The following B9D1 variants were observed in gnomAD, a reference collection of about 807,000 sequenced individuals.
B9D1 encodes B9 domain-containing protein 1.
B9D1 carries 20 observed loss-of-function variants against 26.1 expected under a neutral mutation model. That is an observed-to-expected ratio of 0.77 (90% CI 0.54 to 1.12). B9D1 has a LOEUF of 1.12. Ranked by LOEUF, B9D1 falls within the 50% of genes most tolerant of loss-of-function variation. B9D1 has a pLI of 0.00. For missense variants in B9D1, 260 were observed against 273.7 expected, an observed-to-expected ratio of 0.95 and a Z score of 0.35; for synonymous variants, 105 against 103.1, an observed-to-expected ratio of 1.02 and a Z score of -0.11.
At chr17:19,337,979 A>G (rs1331689438), downstream of B9D1, among the ~76,000 whole-genome samples, 1 of 152,212 alleles carries the variant, frequency 6.6e-6, no homozygotes, top group Non-Finnish European at 1.5e-5. Flanking sequence ...TCTGGCTCCC[A>G]GAGAGTTATT....
intron 2 of B9D1, 88 bp downstream of exon 2, chr17:19,360,232 G>A (rs1910867759): frequency 7.9e-7 from 1 of 1,263,376 alleles, no homozygotes; most frequent in East Asian, 2.3e-5. Context: ...CTCTTAACTT[G>A]TTCTGAATGG....
At chr17:19,369,927 CCCACACCCCAAGTCACCCTGGA>C (rs1911807121) in intron 1 of B9D1, among the ~76,000 whole-genome samples, 1 of 152,136 alleles carries the variant, frequency 6.6e-6, no homozygotes, top group Non-Finnish European at 1.5e-5. Context: ...CCAAACATGG[CCCACACCCCAAGTCACCCTGGA>C]CCACACCCGC....
Position 19,348,004 on chromosome 17 carries a change from C to T in B9D1, c.245-124G>A, listed in dbSNP as rs980279491. The stretch of plus-strand genomic sequence containing the variant: ...GAGCTCAAAACTCTGGGGTGGCAGG[C>T]TTGAGAGGGGACAGGAGCAGGCATG... On this transcript the variant is annotated intron_variant, in intron 3 of 6. Transcript: ENST00000261499. The T allele has an allele frequency of 1.6e-5, 13 of 811,430 alleles. No individual in the cohort carries two copies. The African/African-American group carries it at 1.9e-4, about 12-fold the overall frequency. 50.3% of individuals were successfully genotyped at this position (811,430 alleles called of 1,614,324 possible).
At chr17:19,356,214 C>G (rs937542332) in intron 3 of B9D1, among the ~76,000 whole-genome samples, 1 of 152,064 alleles carries the variant, frequency 6.6e-6, no homozygotes, top group African/African-American at 2.4e-5. Flanking sequence ...GCCTCAGCCC[C>G]CCAAGTAGCT....
In B9D1 at chr17:19,347,676, C is replaced by T. The variant is rs1397414326; in HGVS notation, c.341+108G>A. ...TGGCCACCAGGCTGAGCTGCCCAGG[C>T]CCCTGGAGACCCCAGAGCATTCCCA... On this transcript the variant is annotated intron_variant, in intron 4 of 6. Coordinates refer to ENST00000261499, the MANE Select transcript of B9D1 (RefSeq NM_015681.6). The surrounding 1 kb of genome is among the most constrained non-coding windows in gnomAD (Gnocchi z 4.3). 6 of 1,119,020 alleles carry T rather than the reference C, an allele frequency of 5.4e-6. No homozygotes were observed. The Admixed American group carries it at 5.9e-5, about 11-fold the overall frequency. 69.3% of individuals were successfully genotyped at this position (1,119,020 alleles called of 1,614,324 possible). A position where few individuals can be genotyped will look rare whatever the true frequency, so the allele number is the denominator to read the frequency against.
At chr17:19,345,473 C>A (rs895935959) in intron 5 of B9D1, among the ~76,000 whole-genome samples, 2 of 152,244 alleles carry the variant, frequency 1.3e-5, no homozygotes, top group South Asian at 4.1e-4. Context: ...AACAGGGTCA[C>A]GTGCACTTTG....
downstream of B9D1, among the ~76,000 whole-genome samples, chr17:19,339,285 G>C (rs1432772909): frequency 6.6e-6 from 1 of 152,002 alleles, no homozygotes; most frequent in East Asian, 1.9e-4. Context: ...TACTGTGATA[G>C]CATTCCAAAA....
chr17:19,362,575 G>A lies in B9D1; in HGVS notation c.-6C>T. The A allele has an allele frequency of 6.3e-7, 1 of 1,589,186 alleles. No homozygotes were observed. The highest frequency in any genetic ancestry group is 8.6e-7 in the Non-Finnish European group (1 of 1,167,956). The stretch of plus-strand genomic sequence containing the variant: ...CTAGGACTCGCGGTCGCCATGGCAG[G>A]TCTGGGGGTGCCGGGGGGACCCACC... On this transcript the variant is annotated 5_prime_UTR_variant, in exon 1 of 7. Transcript: ENST00000261499.
intron 1 of B9D1, among the ~76,000 whole-genome samples, chr17:19,361,552 G>A (rs143326853): frequency 2.6e-5 from 4 of 152,204 alleles, no homozygotes; most frequent in African/African-American, 4.8e-5. Flanking sequence ...CAGCCCAGCC[G>A]AGAGCCCCTA....
At chr17:19,346,818 G>T in intron 5 of B9D1, 1 of 1,006,272 alleles carries the variant, frequency 9.9e-7, no homozygotes, top group Non-Finnish European at 1.3e-6. Context: ...TGTTCCCTGT[G>T]CCTGATGTTC....
chr17:19,373,397 T>C (rs1305102253), intron 1 of B9D1, among the ~76,000 whole-genome samples: 5 of 144,248 alleles, frequency 3.5e-5, no homozygotes, highest in African/African-American at 5.0e-5. Flanking sequence ...TTTTTTTTAC[T>C]TTTTTTTTTT....
chr17:19,341,416 G>T, downstream of B9D1: 2 of 965,236 alleles, frequency 2.1e-6, no homozygotes, highest in Non-Finnish European at 1.3e-6. Flanking sequence ...CACATGTGGA[G>T]GCTGGCGTGA....
chr17:19,342,800 G>A (rs530922349), downstream of B9D1, among the ~76,000 whole-genome samples: 2 of 152,158 alleles, frequency 1.3e-5, no homozygotes, highest in Non-Finnish European at 2.9e-5. Context: ...GCCATCCCCC[G>A]GGGTACCTCA....
chr17:19,340,156 G>T (rs564629365), downstream of B9D1, among the ~76,000 whole-genome samples: 2 of 152,014 alleles, frequency 1.3e-5, no homozygotes, highest in East Asian at 3.9e-4. Flanking sequence ...TGACATTTCT[G>T]TGCCTTTGGG....
chr17:19,353,015 C>T (rs1292559786), intron 3 of B9D1, among the ~76,000 whole-genome samples: 1 of 149,750 alleles, frequency 6.7e-6, no homozygotes, highest in Non-Finnish European at 1.5e-5. Context: ...CTCACTCTGT[C>T]GCCAGGCTGG....
intron 1 of B9D1, among the ~76,000 whole-genome samples, chr17:19,373,334 T>C (rs1004391886): frequency 7.2e-5 from 11 of 152,180 alleles, no homozygotes; most frequent in Admixed American, 2.6e-4. Context: ...GACATCTCCA[T>C]TGCTAGAAAT....
chr17:19,335,334 TAAAG>T (rs1907356073), downstream of B9D1: 2 of 1,473,528 alleles, frequency 1.4e-6, no homozygotes, highest in Non-Finnish European at 1.8e-6. Context: ...TCCTGAAAGT[TAAAG>T]AAAAAAATCT....
chr17:19,363,686 G>C (rs931186345), upstream of B9D1: 2 of 152,180 alleles, frequency 1.3e-5, no homozygotes, highest in Admixed American at 6.5e-5. Context: ...GTAGACTCCC[G>C]GGAGGCCAGG....
downstream of B9D1, chr17:19,335,783 C>T (rs1293016820): frequency 1.2e-5 from 3 of 241,870 alleles, no homozygotes; most frequent in Non-Finnish European, 1.6e-5. Flanking sequence ...AATATTACCT[C>T]CCTCTTCCAA....
Sources: allele counts gnomAD v4.1 joint callset (sites outside exome capture counted in the v4.1 genomes callset), GRCh38; gene constraint gnomAD v4.1.1; non-coding constraint Gnocchi (gnomAD v3.1); transcripts MANE v1.5; gene names NCBI Gene and HGNC (gene_info 2026-07-23, HGNC 2026-07-21).